Variants in CD82 observed in about 807,000 individuals in gnomAD.
The protein encoded by CD82 is CD82 molecule.
A neutral mutation model predicts 37.4 loss-of-function variants in CD82; 36 were observed. That is an observed-to-expected ratio of 0.96 (90% confidence interval 0.74 to 1.27). CD82 has a LOEUF of 1.27. CD82 is among the 50% of genes most tolerant of loss of function. The pLI, the probability that CD82 is intolerant of heterozygous loss-of-function variation, is 0.00. For synonymous variants in CD82, 158 were observed against 137.4 expected (o/e 1.15, Z -1.05); for missense variants, 340 against 347.0 (o/e 0.98, Z 0.16).
At position 44,619,115 on chromosome 11, in the gene CD82, C is replaced by A; in HGVS notation, c.793C>A (p.Pro265Thr). 6.2e-7 allele frequency: 1 copy of A among 1,613,564 alleles called. No homozygotes were observed. The highest frequency in any genetic ancestry group is 8.5e-7 in the Non-Finnish European group (1 of 1,179,712). Residue 265 changes from proline (P) to threonine (T), a missense_variant, in exon 10 of 10, where the codon CCC (proline) becomes ACC (threonine). Transcript: ENST00000227155. ...HVHSEDYSKVPKY is the reference protein window; with the variant it reads ...HVHSEDYSKVTKY ...CCATTCCGAAGACTACAGCAAGGTCCCCAAGTACTGAGGCAGCTGCTATCC... is the reference window on the plus strand; with the variant it reads ...CCATTCCGAAGACTACAGCAAGGTCACCAAGTACTGAGGCAGCTGCTATCC...
At chr11:44,601,371 G>A (rs530170444) in intron 4 of CD82, among the ~76,000 whole-genome samples, 3 of 152,204 alleles carry the variant, frequency 2.0e-5, no homozygotes, top group East Asian at 3.9e-4. Context: ...GATGCACCCC[G>A]GGGCTATCAG....
chr11:44,585,095 G>C (rs1439792103), intron 1 of CD82: 1 of 423,360 alleles, frequency 2.4e-6, no homozygotes, highest in Non-Finnish European at 4.8e-6. Context: ...TAGAGGCAGA[G>C]GCTCCTCCTT....
chr11:44,597,027 C>G lies in CD82; in HGVS notation c.63+2302C>G. On this transcript the variant is annotated intron_variant, in intron 3 of 9. Coordinates refer to ENST00000227155, the MANE Select transcript of CD82 (RefSeq NM_002231.4). The surrounding 1 kb of genome is among the most constrained non-coding windows in gnomAD (Gnocchi z 4.1). ...GCTTTGGAGAGGGGGATCCTGGCAG[C>G]AGGGGCAGCCGGTGGAGGCAGAGTG... 1 of 455,974 alleles carries G rather than the reference C, an allele frequency of 2.2e-6. No homozygotes were observed. The highest frequency in any genetic ancestry group is 2.3e-5 in the Admixed American group (1 of 42,580). 28.2% of individuals were successfully genotyped at this position (455,974 alleles called of 1,614,324 possible). A position where few individuals can be genotyped will look rare whatever the true frequency, so the allele number is the denominator to read the frequency against.
At chr11:44,586,924 G>C (rs890598572) in intron 1 of CD82, among the ~76,000 whole-genome samples, 1 of 152,202 alleles carries the variant, frequency 6.6e-6, no homozygotes, top group African/African-American at 2.4e-5. Flanking sequence ...CCCTTGAGGA[G>C]CCCATATTCT....
chr11:44,565,243 G>C (rs1852711734), upstream of CD82, among the ~76,000 whole-genome samples: 2 of 152,144 alleles, frequency 1.3e-5, no homozygotes, highest in Non-Finnish European at 2.9e-5. Flanking sequence ...AGGGCCGGGG[G>C]ATGGGGTGGG....
chr11:44,582,534 G>T (rs1852995116), intron 1 of CD82, among the ~76,000 whole-genome samples: 1 of 152,206 alleles, frequency 6.6e-6, no homozygotes, highest in East Asian at 1.9e-4. Context: ...GCTCAATGCA[G>T]GTAGGCAGCT....
intron 3 of CD82, among the ~76,000 whole-genome samples, chr11:44,596,377 G>T (rs571426998): frequency 2.6e-5 from 4 of 152,270 alleles, no homozygotes; most frequent in African/African-American, 9.6e-5. Context: ...GGGCTTTAGG[G>T]ACTAGAGAGA....
rs139657292 is a variant in CD82, at chr11:44,588,286, C to T, written c.-21+730C>T. The stretch of plus-strand genomic sequence containing the variant: ...TCACCCAGGCTGGAGTGCAGAGGTG[C>T]GATCTTGGCTCACTGCCACCTCCAC... On this transcript the variant is annotated intron_variant, in intron 2 of 9. Coordinates refer to ENST00000227155, the MANE Select transcript of CD82 (RefSeq NM_002231.4). 1.1e-3 allele frequency among the ~76,000 whole-genome samples: 168 copies of T among 150,866 alleles called. 1 individual carries two copies. Among genetic ancestry groups the T allele is most frequent in the African/African-American group, 3.9e-3 (160 of 40,974 alleles).
intron 4 of CD82, chr11:44,604,572 G>A (rs1168815076): frequency 1.1e-5 from 2 of 174,990 alleles, no homozygotes; most frequent in East Asian, 1.7e-4. Context: ...AAATCAGCTT[G>A]GAATCTTAAT....
chr11:44,585,722 C>A (rs1193942230), intron 1 of CD82, among the ~76,000 whole-genome samples: 1 of 152,158 alleles, frequency 6.6e-6, no homozygotes, highest in Non-Finnish European at 1.5e-5. Flanking sequence ...ATGTGGGAGC[C>A]CCAGTGTGCA....
chr11:44,589,905 C>T (rs1054101412), intron 2 of CD82, among the ~76,000 whole-genome samples: 1 of 152,128 alleles, frequency 6.6e-6, no homozygotes, highest in African/African-American at 2.4e-5. Context: ...GCGATCTCGG[C>T]TCACTGCAAG....
At chr11:44,607,884 C>A (rs559494701) in intron 6 of CD82, 4 of 152,278 alleles carry the variant, frequency 2.6e-5, no homozygotes, top group Admixed American at 1.3e-4. Context: ...GTCCTATCAG[C>A]CCCAGAACAG....
intron 1 of CD82, among the ~76,000 whole-genome samples, chr11:44,572,179 A>G (rs1434765665): frequency 6.6e-6 from 1 of 152,222 alleles, no homozygotes; most frequent in Non-Finnish European, 1.5e-5. Flanking sequence ...GGCAGGTCCC[A>G]GCTGCTGCCC....
intron 3 of CD82, 137 bp from the exon 4 acceptor site, chr11:44,600,021 C>G: frequency 1.3e-6 from 1 of 773,402 alleles, no homozygotes; most frequent in Non-Finnish European, 2.2e-6. Flanking sequence ...CTGGACATCT[C>G]TGGGCTGGAG....
intron 2 of CD82, among the ~76,000 whole-genome samples, chr11:44,592,583 T>C (rs1009061333): frequency 2.0e-5 from 3 of 152,244 alleles, no homozygotes; most frequent in Non-Finnish European, 4.4e-5. Context: ...TATGTCAGGC[T>C]CTGTGCTGGG....
chr11:44,601,538 G>A (rs1341113879), intron 4 of CD82, among the ~76,000 whole-genome samples: 1 of 152,140 alleles, frequency 6.6e-6, no homozygotes, highest in East Asian at 1.9e-4. Flanking sequence ...TGCACCCCAG[G>A]GCAAAGTCTA....
At chr11:44,566,752 C>A (rs752196757) in intron 1 of CD82, among the ~76,000 whole-genome samples, 3 of 152,030 alleles carry the variant, frequency 2.0e-5, no homozygotes, top group Non-Finnish European at 4.4e-5. Flanking sequence ...TGCTTTGATG[C>A]GGGTGGGCAG....
chr11:44,572,341 A>C (rs961818247), intron 1 of CD82, among the ~76,000 whole-genome samples: 1 of 152,286 alleles, frequency 6.6e-6, no homozygotes, highest in Non-Finnish European at 1.5e-5. Context: ...ACTTTCCCCT[A>C]TTTTCCAAAT....
chr11:44,575,102 C>T (rs1852870591), intron 1 of CD82, among the ~76,000 whole-genome samples: 1 of 152,186 alleles, frequency 6.6e-6, no homozygotes, highest in Non-Finnish European at 1.5e-5. Context: ...TCGCTTCAGC[C>T]CTACTGGTGG....
Sources: gnomAD v4.1 joint callset for allele counts (sites outside exome capture counted in the v4.1 genomes callset) on GRCh38, gnomAD v4.1.1 for gene constraint, Gnocchi (gnomAD v3.1) non-coding constraint, MANE v1.5 for transcripts, NCBI Gene and HGNC (gene_info 2026-07-23, HGNC 2026-07-21) for gene names.